Variants in ABCA6 observed in about 807,000 individuals in gnomAD.
ABCA6 encodes the protein ATP-binding cassette sub-family A member 6.
In ABCA6, 164 loss-of-function variants were observed where a neutral mutation model predicts 191.2. The ratio of observed to expected loss-of-function variants is 0.86; its 90% CI spans 0.76 to 0.98. The LOEUF is 0.98. Among genes scored for constraint, ABCA6 ranks in the 50% least tolerant of loss-of-function variants. The pLI is 0.00. For missense variants in ABCA6, 1,958 were observed against 1,894.1 expected (o/e 1.03, Z -0.63); for synonymous variants, 636 against 647.7 (o/e 0.98, Z 0.27).
chr17:69,088,796 A>G (rs1297450744), intron 27 of ABCA6, among the ~76,000 whole-genome samples: 2 of 152,108 alleles, frequency 1.3e-5, no homozygotes, highest in East Asian at 3.8e-4. Flanking sequence ...GCTTTATCCC[A>G]TGACTTCTGT....
chr17:69,089,207 T>C (rs2072872395), intron 27 of ABCA6, among the ~76,000 whole-genome samples: 1 of 152,120 alleles, frequency 6.6e-6, no homozygotes, highest in African/African-American at 2.4e-5. Flanking sequence ...TTTTACAAGC[T>C]CTCTCAAATT....
intron 21 of ABCA6, among the ~76,000 whole-genome samples, chr17:69,102,458 C>T (rs1371292895): frequency 6.6e-6 from 1 of 152,002 alleles, no homozygotes; most frequent in African/African-American, 2.4e-5. Flanking sequence ...TCAGTTATTT[C>T]GTGTAGATAT....
chr17:69,140,765 G>T lies in ABCA6; in HGVS notation c.-45-17C>A. The T allele has an allele frequency of 8.8e-7, 1 of 1,132,192 alleles. No individual in the cohort carries two copies. Among genetic ancestry groups the T allele is most frequent in the Non-Finnish European group, 1.2e-6 (1 of 819,114 alleles). The allele number at this position is 1,132,192 out of a possible 1,614,324, so 70.1% of individuals were successfully genotyped here. A position where few individuals can be genotyped will look rare whatever the true frequency, so the allele number is the denominator to read the frequency against. ...GAACACAACCTAGAAAAAAATAAGT[G>T]TAATAAGAAAAACCTTGATCATAGT... On this transcript the variant is annotated splice_polypyrimidine_tract_variant and intron_variant, in intron 1 of 38. Coordinates refer to ENST00000284425, the MANE Select transcript of ABCA6 (RefSeq NM_080284.3).
Position 69,124,928 on chromosome 17 carries a change from G to C in ABCA6, c.1227C>G (p.Ile409Met), listed in dbSNP as rs1233135054. The change falls in exon 9 of 39, where the codon ATC becomes ATG. Residue 409 changes from isoleucine (I) to methionine (M), a missense_variant. Transcript: ENST00000284425. ...CAAAGTATAATGCCAATAGCAAGTA[G>C]ATGAGACCATCCAAAAGCAACATAG... The part of the protein sequence containing the change: ...TFSMLLLDGL[I>M]YLLLALYFDK... The C allele has an allele frequency of 1.3e-6, 2 of 1,577,606 alleles. No homozygotes were observed. The highest frequency in any genetic ancestry group is 1.4e-5 in the African/African-American group (1 of 73,194).
Position 69,136,126 on chromosome 17 carries a change from T to A in ABCA6, c.426A>T (p.Gly142=), listed in dbSNP as rs766946568. Reference sequence around the variant, plus strand: ...CTTCTTTCCAAAGTGGACTGTTATATCCCTGGAAAAATATTAACTTATAAG... The same window carrying A: ...CTTCTTTCCAAAGTGGACTGTTATAACCCTGGAAAAATATTAACTTATAAG... ...TFSYKLIFFQ[G]YNSPLWKEDF... Residue 142 remains glycine (G), a synonymous_variant, in exon 4 of 39, where the codon GGA becomes GGT. Coordinates refer to ENST00000284425, the MANE Select transcript of ABCA6 (RefSeq NM_080284.3). The A allele has an allele frequency of 6.2e-7, 1 of 1,610,306 alleles. No homozygotes were observed. Among genetic ancestry groups the A allele is most frequent in the Non-Finnish European group, 8.5e-7 (1 of 1,177,982 alleles).
chr17:69,100,089 T>C (rs567387861), intron 22 of ABCA6, among the ~76,000 whole-genome samples: 28 of 152,198 alleles, frequency 1.8e-4, no homozygotes, highest in Admixed American at 5.9e-4. Context: ...CCTTATGACA[T>C]GGTTAGGTGG....
intron 25 of ABCA6, chr17:69,095,434 C>G (rs2073022675): frequency 6.6e-6 from 1 of 152,244 alleles, no homozygotes; most frequent in Admixed American, 6.5e-5. Flanking sequence ...GTGCTGTCCA[C>G]TGAGAAGGAA....
chr17:69,079,118 T>G, intron 38 of ABCA6, 44 bp from the exon 39 acceptor site: 1 of 1,573,168 alleles, frequency 6.4e-7, no homozygotes, highest in East Asian at 2.2e-5. Context: ...AGAGAGATTA[T>G]CAAGTTGTTG....
intron 37 of ABCA6, among the ~76,000 whole-genome samples, chr17:69,080,207 A>G (rs556056812): frequency 2.0e-5 from 3 of 152,200 alleles, no homozygotes; most frequent in Non-Finnish European, 4.4e-5. Context: ...TGAGCTAGGC[A>G]CTGTTCTAGG....
intron 13 of ABCA6, among the ~76,000 whole-genome samples, chr17:69,114,542 T>G (rs1233177954): frequency 6.6e-6 from 1 of 152,160 alleles, no homozygotes; most frequent in Non-Finnish European, 1.5e-5. Context: ...TGTGCACATG[T>G]ACCCTAACTT....
In ABCA6 at chr17:69,115,214, A is replaced by T. The variant is rs146133889; in HGVS notation, c.1606+162T>A. 2.0e-3 allele frequency among the ~76,000 whole-genome samples: 307 copies of T among 152,286 alleles called. 4 individuals are homozygous for T. In the East Asian group the frequency reaches 0.056, roughly 28 times the overall value. Reference sequence around the variant, plus strand: ...AAGATAATAATTTTTATAAAATTGCAGAAATATGAAGTATATTCAAAATTA... The same window carrying T: ...AAGATAATAATTTTTATAAAATTGCTGAAATATGAAGTATATTCAAAATTA... On this transcript the variant is annotated intron_variant, in intron 12 of 38. Coordinates refer to ENST00000284425, the MANE Select transcript of ABCA6 (RefSeq NM_080284.3).
At chr17:69,125,159 A>C in intron 8 of ABCA6, 124 bp from the exon 9 acceptor site, 1 of 389,480 alleles carries the variant, frequency 2.6e-6, no homozygotes, top group Non-Finnish European at 4.5e-6. Flanking sequence ...CTAGTCAAAT[A>C]TATAAATAAG....
chr17:69,099,635 A>T (rs2073129476), intron 22 of ABCA6: 1 of 154,296 alleles, frequency 6.5e-6, no homozygotes, highest in South Asian at 2.0e-4. Context: ...TATCGTTCCA[A>T]AGAGGAAGGG....
Position 69,106,082 on chromosome 17 carries a change from A to G in ABCA6, c.2519T>C (p.Met840Thr), listed in dbSNP as rs138864547. 37 of 1,613,662 alleles carry G rather than the reference A, an allele frequency of 2.3e-5. No individual in the cohort carries two copies. The highest frequency in any genetic ancestry group is 5.3e-5 in the African/African-American group (4 of 74,906). Residue 840 changes from methionine (M) to threonine (T), a missense_variant, in exon 19 of 39, where the codon ATG (methionine) becomes ACG (threonine). Met to Thr is a moderately conservative substitution (Grantham distance 81, BLOSUM62 -1). Coordinates refer to ENST00000284425, the MANE Select transcript of ABCA6 (RefSeq NM_080284.3). ...MGLWRMQVFA[M>T]ARLRFLKLKR... The stretch of plus-strand genomic sequence containing the variant: ...TAACTTTAAGAAACGGAGCCGTGCC[A>G]TGGCAAAGACTTGCATTCTCCAGAG...
In ABCA6 at chr17:69,098,030, G is replaced by A. The variant is rs748875960; in HGVS notation, c.3013-3C>T. 6.4e-7 allele frequency: 1 copy of A among 1,574,538 alleles called. No individual in the cohort carries two copies. The highest frequency in any genetic ancestry group is 1.4e-5 in the African/African-American group (1 of 72,236). ...CCAGTCCAGAGTCCTATGTGGCTCT[G>A]AAAATATAAAGGGTAGCTTAAACTA... On this transcript the variant is annotated splice_region_variant and splice_polypyrimidine_tract_variant and intron_variant, in intron 22 of 38. Transcript: ENST00000284425.
chr17:69,130,331 G>A (rs187567831), intron 6 of ABCA6, among the ~76,000 whole-genome samples: 249 of 151,532 alleles, frequency 1.6e-3, no homozygotes, highest in Middle Eastern at 6.8e-3. Context: ...AAAAAAAAAG[G>A]ATGCCAAAAT....
intron 11 of ABCA6, 23 bp downstream of exon 11, chr17:69,117,875 A>T (rs1422097728): frequency 6.6e-7 from 1 of 1,512,764 alleles, no homozygotes; most frequent in Non-Finnish European, 9.1e-7. Flanking sequence ...GAAAGAATGA[A>T]ATTTTTCAAT....
intron 7 of ABCA6, 108 bp downstream of exon 7, chr17:69,129,502 A>C (rs897037749): frequency 1.1e-6 from 1 of 937,680 alleles, no homozygotes; most frequent in Non-Finnish European, 1.6e-6. Context: ...ATGCACACAC[A>C]CAATGGACAT....
chr17:69,099,839 T>C (rs1346759405), intron 22 of ABCA6, among the ~76,000 whole-genome samples: 2 of 152,212 alleles, frequency 1.3e-5, no homozygotes, highest in Non-Finnish European at 2.9e-5. Context: ...TCCCATGGCT[T>C]ACAGAAAACC....
Sources: gnomAD v4.1 joint callset for allele counts (sites outside exome capture counted in the v4.1 genomes callset) on GRCh38, gnomAD v4.1.1 for gene constraint, MANE v1.5 for transcripts, NCBI Gene and HGNC (gene_info 2026-07-23, HGNC 2026-07-21) for gene names.